Variants in IL2RA observed in about 807,000 individuals in gnomAD.
IL2RA encodes interleukin 2 receptor subunit alpha.
IL2RA carries 24 observed loss-of-function variants against 37.8 expected under a neutral mutation model. The ratio of observed to expected loss-of-function variants is 0.63; its 90% CI spans 0.46 to 0.89. IL2RA has a LOEUF of 0.89. Among genes scored for constraint, IL2RA ranks in the 40% least tolerant of loss-of-function variants. The pLI, the probability that IL2RA is intolerant of heterozygous loss-of-function variation, is 0.00. For synonymous variants in IL2RA, 125 were observed against 114.6 expected (o/e 1.09, Z -0.58); for missense variants, 319 against 348.6 (o/e 0.92, Z 0.68).
Position 6,046,245 on chromosome 10 carries a change from T to C in IL2RA, c.64+15843A>G, listed in dbSNP as rs1217112622. Among the ~76,000 whole-genome samples the C allele has an allele frequency of 6.6e-6, 1 of 152,210 alleles. No homozygotes were observed. The highest frequency in any genetic ancestry group is 1.5e-5 in the Non-Finnish European group (1 of 68,036). ...TTTTCACAGACAATGACAATCCAAATGTGGAAACACAGGGAGAAAACCATG... is the reference window on the plus strand; with the variant it reads ...TTTTCACAGACAATGACAATCCAAACGTGGAAACACAGGGAGAAAACCATG... On this transcript the variant is annotated intron_variant, in intron 1 of 7. Transcript: ENST00000379959. The surrounding 1 kb of genome is among the most constrained non-coding windows in gnomAD (Gnocchi z 4.8).
intron 1 of IL2RA, among the ~76,000 whole-genome samples, chr10:6,051,507 A>G: frequency 9.4e-6 from 1 of 105,972 alleles, no homozygotes; most frequent in South Asian, 3.4e-4. Flanking sequence ...ATATATATAT[A>G]TATATATATA....
At chr10:6,039,985 T>C (rs917336651) in intron 1 of IL2RA, among the ~76,000 whole-genome samples, 2 of 152,220 alleles carry the variant, frequency 1.3e-5, no homozygotes, top group Admixed American at 6.5e-5. Flanking sequence ...CAGGCCATTC[T>C]GGCAGAGAAT....
rs2256867 is a variant in IL2RA, at chr10:6,054,549, T to C, written c.64+7539A>G. On this transcript the variant is annotated intron_variant, in intron 1 of 7. Transcript: ENST00000379959. The surrounding 1 kb of genome is among the most constrained non-coding windows in gnomAD (Gnocchi z 4.5). ...TTGCTTGGCACACACACACAAAACT[T>C]CATGTATGTTGAAATATGGCTCATT... 1.3e-5 allele frequency among the ~76,000 whole-genome samples: 2 copies of C among 152,114 alleles called. No homozygotes were observed. Among genetic ancestry groups the C allele is most frequent in the Admixed American group, 6.5e-5 (1 of 15,286 alleles).
intron 1 of IL2RA, among the ~76,000 whole-genome samples, chr10:6,055,246 C>A (rs1349657088): frequency 2.0e-5 from 3 of 152,140 alleles, no homozygotes; most frequent in Non-Finnish European, 4.4e-5. Flanking sequence ...CATACCTGTT[C>A]CTAGTGAATC....
At chr10:6,017,409 C>T (rs1839297866) in intron 7 of IL2RA, among the ~76,000 whole-genome samples, 1 of 151,962 alleles carries the variant, frequency 6.6e-6, no homozygotes, top group African/African-American at 2.4e-5. Flanking sequence ...CTCTGCTGTG[C>T]CATCTTCTCC....
Position 6,036,525 on chromosome 10 carries a change from A to G in IL2RA, c.65-10500T>C, listed in dbSNP as rs1839685462. ...AAAACAAAACAAAACAAACAAACAA[A>G]AAAGAGGCCCCATTCACAGTAAAGA... On this transcript the variant is annotated intron_variant, in intron 1 of 7. Coordinates refer to ENST00000379959, the MANE Select transcript of IL2RA (RefSeq NM_000417.3). The surrounding 1 kb of genome is among the most constrained non-coding windows in gnomAD (Gnocchi z 6.1). The G allele has an allele frequency of 1.3e-5, 2 of 151,904 alleles. No homozygotes were observed. The highest frequency in any genetic ancestry group is 4.9e-5 in the African/African-American group (2 of 41,180). The allele number at this position is 151,904 out of a possible 1,614,324, so 9.4% of individuals were successfully genotyped here.
rs964732810 is a variant in IL2RA, at chr10:6,047,239, A to G, written c.64+14849T>C. Among the ~76,000 whole-genome samples, 1 of 152,228 alleles carries G rather than the reference A, an allele frequency of 6.6e-6. No individual in the cohort carries two copies. Among genetic ancestry groups the G allele is most frequent in the Admixed American group, 6.5e-5 (1 of 15,284 alleles). ...TAGCCCAAGGAACAACCCCCATGCC[A>G]ACAGCACTCCATCCCGACCTCATAC... On this transcript the variant is annotated intron_variant, in intron 1 of 7. Transcript: ENST00000379959. This position sits in a 1 kb window ranked among gnomAD's most constrained non-coding sequence, Gnocchi z 5.0.
intron 6 of IL2RA, among the ~76,000 whole-genome samples, chr10:6,019,069 TACCA>T (rs1376152344): frequency 6.7e-6 from 1 of 148,640 alleles, no homozygotes; most frequent in African/African-American, 2.5e-5. Flanking sequence ...CCTATCAACT[TACCA>T]ACCAACCTAT....
In IL2RA at chr10:6,033,797, C is replaced by T. The variant is rs1839638667; in HGVS notation, c.65-7772G>A. On this transcript the variant is annotated intron_variant, in intron 1 of 7. Transcript: ENST00000379959. The surrounding 1 kb of genome is among the most constrained non-coding windows in gnomAD (Gnocchi z 4.3). ...GTTTCTTGTGGTAGGTGGGTATTGA[C>T]CAGAAGGCAGAAGTGATGAAAACGT... Among the ~76,000 whole-genome samples the T allele has an allele frequency of 6.6e-6, 1 of 152,140 alleles. No homozygotes were observed. The highest frequency in any genetic ancestry group is 2.4e-5 in the African/African-American group (1 of 41,424).
Position 6,046,019 on chromosome 10 carries a change from T to A in IL2RA, c.64+16069A>T, listed in dbSNP as rs777358737. Among the ~76,000 whole-genome samples, 23 of 152,218 alleles carry A rather than the reference T, an allele frequency of 1.5e-4. No individual in the cohort carries two copies. The highest frequency in any genetic ancestry group is 2.8e-4 in the Non-Finnish European group (19 of 68,036). ...TTAACACAAATCCTAATTGTCAGGC[T>A]GACCAAGCCCACGTGTCCAGAACCC... On this transcript the variant is annotated intron_variant, in intron 1 of 7. Transcript: ENST00000379959. This position sits in a 1 kb window ranked among gnomAD's most constrained non-coding sequence, Gnocchi z 4.8.
At chr10:6,059,492 C>A (rs547711056) in intron 1 of IL2RA, among the ~76,000 whole-genome samples, 2 of 152,150 alleles carry the variant, frequency 1.3e-5, no homozygotes, top group African/African-American at 2.4e-5. Context: ...TCTTGTAGTT[C>A]TTTATTGCCT....
intron 1 of IL2RA, among the ~76,000 whole-genome samples, chr10:6,055,764 T>C (rs1239258873): frequency 3.5e-4 from 11 of 31,108 alleles, no homozygotes; most frequent in African/African-American, 5.2e-4. Flanking sequence ...GGCTCCTCAC[T>C]TCCCAGTAGG....
In IL2RA at chr10:6,029,385, G is replaced by A. The variant is rs1052988758; in HGVS notation, c.65-3360C>T. Among the ~76,000 whole-genome samples the A allele has an allele frequency of 5.3e-5, 8 of 151,958 alleles. No individual in the cohort carries two copies. Among genetic ancestry groups the A allele is most frequent in the Non-Finnish European group, 1.0e-4 (7 of 67,990 alleles). ...TCACCACGTTTGCCAGGCTGGTCTCGAACTCCTGACCTCAGGTGATCCACC... is the reference window on the plus strand; with the variant it reads ...TCACCACGTTTGCCAGGCTGGTCTCAAACTCCTGACCTCAGGTGATCCACC... On this transcript the variant is annotated intron_variant, in intron 1 of 7. Transcript: ENST00000379959. This position sits in a 1 kb window ranked among gnomAD's most constrained non-coding sequence, Gnocchi z 4.6.
Position 6,054,135 on chromosome 10 carries a change from C to G in IL2RA, c.64+7953G>C, listed in dbSNP as rs1282497129. Among the ~76,000 whole-genome samples, 1 of 152,256 alleles carries G rather than the reference C, an allele frequency of 6.6e-6. No homozygotes were observed. Among genetic ancestry groups the G allele is most frequent in the Non-Finnish European group, 1.5e-5 (1 of 68,046 alleles). ...CTGGAGTTTCCTGCCACCTGAACCCCTCCTTAAGCAGGATGCCTGGATCCG... is the reference window on the plus strand; with the variant it reads ...CTGGAGTTTCCTGCCACCTGAACCCGTCCTTAAGCAGGATGCCTGGATCCG... On this transcript the variant is annotated intron_variant, in intron 1 of 7. Coordinates refer to ENST00000379959, the MANE Select transcript of IL2RA (RefSeq NM_000417.3). The surrounding 1 kb of genome is among the most constrained non-coding windows in gnomAD (Gnocchi z 4.5).
intron 1 of IL2RA, among the ~76,000 whole-genome samples, chr10:6,038,673 C>A (rs1418838773): frequency 4.6e-5 from 7 of 152,110 alleles, no homozygotes; most frequent in Non-Finnish European, 1.0e-4. Flanking sequence ...CATAAATGCG[C>A]ACAAAGAAGC....
intron 1 of IL2RA, among the ~76,000 whole-genome samples, chr10:6,041,758 G>A (rs1271183507): frequency 6.6e-6 from 1 of 152,028 alleles, no homozygotes; most frequent in Non-Finnish European, 1.5e-5. Context: ...CTAAAGGGCT[G>A]GAAAACACAT....
intron 1 of IL2RA, among the ~76,000 whole-genome samples, chr10:6,060,234 G>A (rs534869869): frequency 6.0e-4 from 92 of 152,212 alleles, no homozygotes; most frequent in African/African-American, 2.1e-3. Flanking sequence ...TTATAAGAAC[G>A]GCACGATGGA....
Position 6,056,167 on chromosome 10 carries a change from T to C in IL2RA, c.64+5921A>G, listed in dbSNP as rs377295982. 1.3e-3 allele frequency among the ~76,000 whole-genome samples: 200 copies of C among 152,334 alleles called. No individual in the cohort carries two copies. The highest frequency in any genetic ancestry group is 4.6e-3 in the African/African-American group (191 of 41,576). On this transcript the variant is annotated intron_variant, in intron 1 of 7. Coordinates refer to ENST00000379959, the MANE Select transcript of IL2RA (RefSeq NM_000417.3). This position sits in a 1 kb window ranked among gnomAD's most constrained non-coding sequence, Gnocchi z 5.0. ...ATGGTGGGGTATTCAGTGGGGGCTA[T>C]TGGCAAACACTGTTGGCTGACTTCA...
intron 1 of IL2RA, among the ~76,000 whole-genome samples, chr10:6,055,411 G>T (rs1840028059): frequency 7.2e-6 from 1 of 138,228 alleles, no homozygotes; most frequent in African/African-American, 2.7e-5. Flanking sequence ...ATGAGTCTTG[G>T]CCATCACTTT....
Sources: gnomAD v4.1 joint callset for allele counts (sites outside exome capture counted in the v4.1 genomes callset) on GRCh38, gnomAD v4.1.1 for gene constraint, Gnocchi (gnomAD v3.1) non-coding constraint, MANE v1.5 for transcripts, NCBI Gene and HGNC (gene_info 2026-07-23, HGNC 2026-07-21) for gene names.